MSN: variants seen among roughly 807,000 people sequenced by gnomAD.
The protein encoded by MSN is epididymis luminal protein 70.
Under a neutral mutation model 48.0 loss-of-function variants are expected in MSN, and 2 were observed. The ratio of observed to expected loss-of-function variants is 0.04; its 90% CI spans 0.02 to 0.13. The LOEUF (loss-of-function observed/expected upper bound fraction) is 0.13. Ranked by LOEUF, MSN falls within the 10% of genes least tolerant of loss-of-function variation. The probability of loss-of-function intolerance (pLI) is 1.00; values close to 1 mark genes in which losing one functional copy is unlikely to be tolerated. For synonymous variants in MSN, 146 were observed against 166.9 expected, an observed-to-expected ratio of 0.87 and a Z score of 0.97; for missense variants, 267 against 470.1, an observed-to-expected ratio of 0.57 and a Z score of 3.99.
chrX:65,637,314 A>G (rs1223615027), intron 1 of MSN, among the ~76,000 whole-genome samples: 1 of 108,866 alleles, frequency 9.2e-6, no homozygotes, highest in Admixed American at 9.8e-5. Flanking sequence ...AGGCAGGAGA[A>G]TCACTTGAAC....
At chrX:65,680,450 A>G (rs2071043495) in intron 1 of MSN, among the ~76,000 whole-genome samples, 1 of 112,286 alleles carries the variant, frequency 8.9e-6, no homozygotes, top group African/African-American at 3.2e-5. Flanking sequence ...TTCAAAGGCT[A>G]TGCCATAATT....
At chrX:65,678,171 C>T (rs772374655) in intron 1 of MSN, among the ~76,000 whole-genome samples, 3 of 111,815 alleles carry the variant, frequency 2.7e-5, no homozygotes, top group Non-Finnish European at 5.6e-5. Flanking sequence ...CCTCAAGTTA[C>T]TCCCTCTCCT....
chrX:65,676,621 G>A (rs1320156248), intron 1 of MSN, among the ~76,000 whole-genome samples: 2 of 111,189 alleles, frequency 1.8e-5, no homozygotes, highest in African/African-American at 3.3e-5. Flanking sequence ...GAAGTGACTG[G>A]GGCCAAGGCC....
intron 1 of MSN, among the ~76,000 whole-genome samples, chrX:65,711,170 G>C (rs1331173131): frequency 1.8e-5 from 2 of 111,234 alleles, no homozygotes; most frequent in Non-Finnish European, 3.8e-5. Context: ...GGGATTCTCC[G>C]ACCTCAGCCT....
At chrX:65,715,109 T>C (rs897165965) in intron 1 of MSN, among the ~76,000 whole-genome samples, 2 of 111,328 alleles carry the variant, frequency 1.8e-5, no homozygotes, top group South Asian at 7.6e-4. Flanking sequence ...TTGTCGACTT[T>C]GTCAAAGATC....
At chrX:65,628,963 G>C (rs948804511) in intron 1 of MSN, among the ~76,000 whole-genome samples, 10 of 109,248 alleles carry the variant, frequency 9.2e-5, no homozygotes, top group Non-Finnish European at 3.8e-5. Context: ...CTACTCAGGA[G>C]GCTGAGGCAG....
intron 8 of MSN, 58 bp downstream of exon 8, chrX:65,735,488 G>A: frequency 1.8e-6 from 2 of 1,138,366 alleles, no homozygotes; most frequent in Non-Finnish European, 2.4e-6. Flanking sequence ...CTTCTCAAAG[G>A]TGCCCTGCAT....
chrX:65,730,716 T>C (rs1170765502), intron 4 of MSN, among the ~76,000 whole-genome samples: 1 of 110,968 alleles, frequency 9.0e-6, no homozygotes, highest in Non-Finnish European at 1.9e-5. Context: ...ACATAGAGTG[T>C]TGGTCCTAAG....
intron 1 of MSN, among the ~76,000 whole-genome samples, chrX:65,646,904 A>G (rs989310378): frequency 2.7e-5 from 3 of 111,378 alleles, no homozygotes; most frequent in Non-Finnish European, 5.7e-5. Flanking sequence ...CCGAGATCGC[A>G]CCATTGCACT....
At chrX:65,627,292 A>T (rs902880012) in intron 1 of MSN, among the ~76,000 whole-genome samples, 1 of 109,497 alleles carries the variant, frequency 9.1e-6, no homozygotes, top group Non-Finnish European at 1.9e-5. Context: ...GTCCATATGT[A>T]TTAATACATA....
At chrX:65,642,339 G>A (rs189530854) in intron 1 of MSN, among the ~76,000 whole-genome samples, 12,056 of 105,630 alleles carry the variant, frequency 0.11, 1,698 homozygotes, top group African/African-American at 0.41. Context: ...AGAATGTAGA[G>A]TGTACATTAT....
At chrX:65,734,322 C>T (rs952345336) in intron 7 of MSN, among the ~76,000 whole-genome samples, 1 of 111,703 alleles carries the variant, frequency 9.0e-6, no homozygotes, top group Non-Finnish European at 1.9e-5. Context: ...GCCTGAACTT[C>T]CCCTGCTAGG....
chrX:65,618,627 A>G (rs1255240016), intron 1 of MSN, among the ~76,000 whole-genome samples: 1 of 111,262 alleles, frequency 9.0e-6, no homozygotes, highest in Non-Finnish European at 1.9e-5. Flanking sequence ...GGTTTCCTGA[A>G]TACAGCACAC....
intron 1 of MSN, among the ~76,000 whole-genome samples, chrX:65,689,026 T>C (rs1461477354): frequency 1.8e-5 from 2 of 111,817 alleles, no homozygotes; most frequent in Non-Finnish European, 3.8e-5. Flanking sequence ...ATCCAACTTT[T>C]TGTTGAGAGG....
chrX:65,634,182 G>T (rs769566514), intron 1 of MSN, among the ~76,000 whole-genome samples: 6 of 112,300 alleles, frequency 5.3e-5, no homozygotes, highest in Non-Finnish European at 1.1e-4. Context: ...GGCCCAGGAG[G>T]GGGGCATGTC....
chrX:65,726,126 G>GGTT (rs1385778163), intron 2 of MSN, among the ~76,000 whole-genome samples: 1 of 111,443 alleles, frequency 9.0e-6, no homozygotes, highest in African/African-American at 3.3e-5. Context: ...TCCCCAAAGT[G>GGTT]GTTGTCGCTT....
At chrX:65,736,313 G>T (rs192750916) in intron 8 of MSN, among the ~76,000 whole-genome samples, 1 of 110,989 alleles carries the variant, frequency 9.0e-6, no homozygotes, top group African/African-American at 3.3e-5. Flanking sequence ...TGGCCTATGT[G>T]GGGCTATGAT....
At chrX:65,633,231 A>G (rs2070572338) in intron 1 of MSN, among the ~76,000 whole-genome samples, 1 of 111,485 alleles carries the variant, frequency 9.0e-6, no homozygotes, top group Non-Finnish European at 1.9e-5. Context: ...CAAGGGTGAT[A>G]TCTGACCGAG....
chrX:65,680,591 C>T (rs2071044906), intron 1 of MSN, among the ~76,000 whole-genome samples: 2 of 111,304 alleles, frequency 1.8e-5, no homozygotes, highest in Admixed American at 1.9e-4. Flanking sequence ...CCTTTGGTAC[C>T]TCACCCCATT....
Sources: allele counts gnomAD v4.1 joint callset (sites outside exome capture counted in the v4.1 genomes callset), GRCh38; gene constraint gnomAD v4.1.1; transcripts MANE v1.5; gene names NCBI Gene and HGNC (gene_info 2026-07-23, HGNC 2026-07-21).